Variants in NAV3 observed in about 807,000 individuals in gnomAD.
NAV3 encodes neuron navigator 3, also known as pore membrane and/or filament interacting like protein 1.
Under a neutral mutation model 244.7 loss-of-function variants are expected in NAV3, and 87 were observed. The observed-to-expected ratio is 0.36, with a 90% CI of 0.30 to 0.42. The LOEUF (loss-of-function observed/expected upper bound fraction) is 0.42, where lower values mean the gene tolerates loss of function less well. NAV3 is among the 20% of genes least tolerant of loss of function. NAV3 has a pLI of 1.00. For synonymous variants in NAV3, 1,126 were observed against 1,042.2 expected, an observed-to-expected ratio of 1.08 and a Z score of -1.55; for missense variants, 2,663 against 2,893.3, an observed-to-expected ratio of 0.92 and a Z score of 1.83.
At chr12:78,134,873 G>T (rs900110456) in intron 18 of NAV3, among the ~76,000 whole-genome samples, 83 of 152,324 alleles carry the variant, frequency 5.4e-4, no homozygotes, top group Admixed American at 1.4e-3. Context: ...GCTTTGCCAA[G>T]ATAGTGGCTT....
chr12:78,129,630 A>G (rs915515925), intron 18 of NAV3, among the ~76,000 whole-genome samples: 4 of 152,266 alleles, frequency 2.6e-5, no homozygotes, highest in Admixed American at 2.0e-4. Context: ...CAATGACTTT[A>G]AAAATATATT....
chr12:77,882,883 C>A (rs924310189), intron 1 of NAV3, among the ~76,000 whole-genome samples: 1 of 152,024 alleles, frequency 6.6e-6, no homozygotes, highest in Non-Finnish European at 1.5e-5. Context: ...CTATGAGACA[C>A]CCTTTCACAT....
chr12:77,955,285 C>T (rs1052329004), intron 3 of NAV3, among the ~76,000 whole-genome samples: 2 of 152,120 alleles, frequency 1.3e-5, no homozygotes, highest in Non-Finnish European at 2.9e-5. Context: ...GCCCAGTTCA[C>T]ATATAGCTCC....
At chr12:77,986,010 C>T (rs986109366) in intron 5 of NAV3, among the ~76,000 whole-genome samples, 1 of 152,086 alleles carries the variant, frequency 6.6e-6, no homozygotes, top group African/African-American at 2.4e-5. Flanking sequence ...TACCAAATTC[C>T]TTAGCAAATT....
chr12:77,766,836 C>T (rs1173497072), intron 2 of NAV3, among the ~76,000 whole-genome samples: 2 of 139,778 alleles, frequency 1.4e-5, no homozygotes, highest in African/African-American at 5.4e-5. Flanking sequence ...TCACTGAAAC[C>T]TCCACCTCCT....
chr12:78,066,662 C>G (rs1885055440), intron 12 of NAV3, among the ~76,000 whole-genome samples: 1 of 152,052 alleles, frequency 6.6e-6, no homozygotes, highest in African/African-American at 2.4e-5. Context: ...ATCAATATAA[C>G]TTCACATTTA....
At chr12:77,686,984 C>T (rs1033287678) in intron 2 of NAV3, among the ~76,000 whole-genome samples, 3 of 150,052 alleles carry the variant, frequency 2.0e-5, no homozygotes, top group Admixed American at 1.3e-4. Context: ...GGTCTTTTTT[C>T]CATAACAATC....
intron 7 of NAV3, among the ~76,000 whole-genome samples, chr12:78,004,364 G>C (rs553989471): frequency 4.3e-4 from 66 of 152,244 alleles, no homozygotes; most frequent in African/African-American, 1.5e-3. Flanking sequence ...CAGAAGACAG[G>C]GAGTGGAAGC....
intron 2 of NAV3, among the ~76,000 whole-genome samples, chr12:77,725,873 G>T (rs977331282): frequency 2.0e-5 from 3 of 151,928 alleles, no homozygotes; most frequent in Non-Finnish European, 2.9e-5. Context: ...TAGCCCTAAA[G>T]GCTGCCCTGT....
At chr12:77,873,734 A>T (rs192371476) in intron 1 of NAV3, among the ~76,000 whole-genome samples, 1 of 85,292 alleles carries the variant, frequency 1.2e-5, no homozygotes, top group African/African-American at 3.5e-5. Flanking sequence ...CTAAATACAT[A>T]TGTGTGTGTG....
intron 2 of NAV3, among the ~76,000 whole-genome samples, chr12:77,666,995 G>A (rs1565762058): frequency 6.6e-6 from 1 of 152,194 alleles, no homozygotes; most frequent in African/African-American, 2.4e-5. Context: ...GTGTGTATGT[G>A]TATACTTTTT....
chr12:77,996,916 T>G (rs1264073520), intron 6 of NAV3, among the ~76,000 whole-genome samples: 1 of 152,206 alleles, frequency 6.6e-6, no homozygotes, highest in East Asian at 1.9e-4. Flanking sequence ...AAACTTTCAA[T>G]ATCATATTTT....
intron 2 of NAV3, among the ~76,000 whole-genome samples, chr12:77,715,562 A>T (rs1451757312): frequency 6.6e-6 from 1 of 152,060 alleles, no homozygotes; most frequent in Non-Finnish European, 1.5e-5. Flanking sequence ...GGGTTATTAA[A>T]TTACTAGGAT....
intron 12 of NAV3, among the ~76,000 whole-genome samples, chr12:78,068,615 A>G (rs1400796980): frequency 6.8e-6 from 1 of 147,244 alleles, no homozygotes; most frequent in Non-Finnish European, 1.5e-5. Flanking sequence ...ATTATATATA[A>G]TATATAATTA....
At chr12:77,610,242 T>G (rs1331310833) in intron 2 of NAV3, among the ~76,000 whole-genome samples, 4 of 152,098 alleles carry the variant, frequency 2.6e-5, no homozygotes, top group Non-Finnish European at 5.9e-5. Flanking sequence ...CTTTTCTTAG[T>G]CACTCTTAAT....
At chr12:78,135,549 A>C (rs183397012) in intron 18 of NAV3, among the ~76,000 whole-genome samples, 52 of 152,304 alleles carry the variant, frequency 3.4e-4, no homozygotes, top group Admixed American at 1.2e-3. Context: ...ATATCCTCCT[A>C]ACCCTATAGA....
At position 78,181,048 on chromosome 12, in the gene NAV3, GA is replaced by G; in HGVS notation, c.5692+4del. 6.2e-7 allele frequency: 1 copy of G among 1,612,548 alleles called. No homozygotes were observed. Among genetic ancestry groups the G allele is most frequent in the Non-Finnish European group, 8.5e-7 (1 of 1,179,012 alleles). ...CATCACAGAGGCTGTTAGCTCAGGTGATTTAGTGCACATGCTTGCCTGAATC... is the reference window on the plus strand; with the variant it reads ...CATCACAGAGGCTGTTAGCTCAGGTGTTTAGTGCACATGCTTGCCTGAATC... On this transcript the variant is annotated splice_donor_region_variant and intron_variant, in intron 30 of 39. Coordinates refer to ENST00000397909, the MANE Select transcript of NAV3 (RefSeq NM_001024383.2).
chr12:78,176,568 C>T, intron 26 of NAV3, 109 bp downstream of exon 26: 1 of 961,094 alleles, frequency 1.0e-6, no homozygotes, highest in Non-Finnish European at 1.6e-6. Flanking sequence ...AAACAGATTA[C>T]CTTGTATGTC....
At position 78,059,133 on chromosome 12, in the gene NAV3, T is replaced by C. The variant is rs1192303524; in HGVS notation, c.2636+18T>C. 4 of 1,605,734 alleles carry C rather than the reference T, an allele frequency of 2.5e-6. No homozygotes were observed. The highest frequency in any genetic ancestry group is 1.7e-5 in the Admixed American group (1 of 58,666). On this transcript the variant is annotated intron_variant, in intron 12 of 39. Coordinates refer to ENST00000397909, the MANE Select transcript of NAV3 (RefSeq NM_001024383.2). ...GCAGACAGGTAATGCTATCAGCATA[T>C]ATGATGGTGAGACATGCATGAAGTA...
Sources: allele counts gnomAD v4.1 joint callset (sites outside exome capture counted in the v4.1 genomes callset), GRCh38; gene constraint gnomAD v4.1.1; transcripts MANE v1.5; gene names NCBI Gene and HGNC (gene_info 2026-07-23, HGNC 2026-07-21).